The following DNAI3 variants were observed in gnomAD, a reference collection of about 807,000 sequenced individuals.
The protein encoded by DNAI3 is WD repeat domain 63.
In DNAI3, 83 loss-of-function variants were observed where a neutral mutation model predicts 115.5. The ratio of observed to expected loss-of-function variants is 0.72; its 90% confidence interval spans 0.60 to 0.86. The LOEUF (loss-of-function observed/expected upper bound fraction) is 0.86, where lower values mean the gene tolerates loss of function less well. Among genes scored for constraint, DNAI3 ranks in the 40% least tolerant of loss-of-function variants. DNAI3 has a pLI of 0.00. For synonymous variants in DNAI3, 320 were observed against 347.0 expected, an observed-to-expected ratio of 0.92 and a Z score of 0.86; for missense variants, 1,004 against 1,075.8, an observed-to-expected ratio of 0.93 and a Z score of 0.93.
At chr1:85,127,382 C>A (rs1466192728) in intron 20 of DNAI3, among the ~76,000 whole-genome samples, 1 of 152,016 alleles carries the variant, frequency 6.6e-6, no homozygotes, top group Non-Finnish European at 1.5e-5. Context: ...GTAGTAATTT[C>A]TATGTAAATC....
intron 17 of DNAI3, 74 bp from the exon 18 acceptor site, chr1:85,121,677 C>G: frequency 7.3e-7 from 1 of 1,377,022 alleles, no homozygotes; most frequent in Admixed American, 1.9e-5. Context: ...AACAGTCAAT[C>G]TTAGCACATG....
At chr1:85,126,415 A>C in intron 19 of DNAI3, 96 bp from the exon 20 acceptor site, 21 of 1,282,450 alleles carry the variant, frequency 1.6e-5, no homozygotes, top group Non-Finnish European at 2.1e-5. Flanking sequence ...ATATGATCAT[A>C]GCTAGCTTGA....
At chr1:85,093,855 T>C (rs1250782407) in intron 9 of DNAI3, 2 of 687,862 alleles carry the variant, frequency 2.9e-6, no homozygotes, top group Admixed American at 4.1e-5. Context: ...TCATTATCTC[T>C]GTTTCACAAC....
chr1:85,084,855 G>C (rs1033110605), intron 6 of DNAI3, among the ~76,000 whole-genome samples, 160 bp downstream of exon 6: 1 of 152,010 alleles, frequency 6.6e-6, no homozygotes, highest in African/African-American at 2.4e-5. Flanking sequence ...TGTCTTAAGT[G>C]GGTGTTATGA....
At chr1:85,123,295 A>G (rs558808484) in intron 18 of DNAI3, among the ~76,000 whole-genome samples, 2 of 151,862 alleles carry the variant, frequency 1.3e-5, no homozygotes, top group African/African-American at 4.9e-5. Context: ...AGAAATGTCA[A>G]TCAAATTGTC....
Position 85,093,598 on chromosome 1 carries a change from G to T in DNAI3, c.998G>T (p.Ser333Ile). Residue 333 changes from serine (S) to isoleucine (I), a missense_variant, in exon 9 of 23, where the codon AGC becomes ATC. Physicochemically the swap from Ser to Ile is moderately radical, Grantham distance 142. This residue lies in a region of DNAI3 where 550 missense variants were observed against 568.1 expected (regional missense o/e 0.97). Transcript: ENST00000294664. ...TACCAGTCCTTTACCGACCTTCATA[G>T]CCCAACGGAGAAAATGATTACCTGT... ...KEYQSFTDLH[S>I]PTEKMITCVS... The T allele has an allele frequency of 6.2e-7, 1 of 1,614,162 alleles. No homozygotes were observed.
chr1:85,103,495 C>T (rs549776493), intron 13 of DNAI3, among the ~76,000 whole-genome samples: 9 of 152,172 alleles, frequency 5.9e-5, no homozygotes, highest in South Asian at 2.1e-4. Flanking sequence ...CCTCTATGTT[C>T]GACTGCACAA....
intron 16 of DNAI3, among the ~76,000 whole-genome samples, chr1:85,112,209 A>G (rs961471829): frequency 6.6e-6 from 1 of 152,142 alleles, no homozygotes; most frequent in Non-Finnish European, 1.5e-5. Flanking sequence ...GCGCCACCAC[A>G]TGCAGCAATC....
intron 7 of DNAI3, among the ~76,000 whole-genome samples, chr1:85,088,068 T>G (rs1446812831): frequency 7.2e-5 from 11 of 151,888 alleles, no homozygotes; most frequent in Admixed American, 7.2e-4. Flanking sequence ...ACATCAGACA[T>G]CCATAAATAT....
At chr1:85,112,920 C>T (rs1316141260) in intron 16 of DNAI3, among the ~76,000 whole-genome samples, 1 of 152,168 alleles carries the variant, frequency 6.6e-6, no homozygotes, top group East Asian at 1.9e-4. Flanking sequence ...AGGCATGTGC[C>T]ACCAAGCCCA....
chr1:85,088,635 G>A (rs965121770), intron 7 of DNAI3, among the ~76,000 whole-genome samples: 2 of 152,132 alleles, frequency 1.3e-5, no homozygotes, highest in African/African-American at 2.4e-5. Flanking sequence ...TCTGAGGTAG[G>A]CACTATCCCC....
At chr1:85,129,346 G>T (rs1424739533) in intron 21 of DNAI3, among the ~76,000 whole-genome samples, 1 of 152,196 alleles carries the variant, frequency 6.6e-6, no homozygotes, top group Non-Finnish European at 1.5e-5. Context: ...TAAACATATA[G>T]ATTGCAGTCT....
At chr1:85,089,538 T>C (rs1192458653) in intron 7 of DNAI3, among the ~76,000 whole-genome samples, 2 of 150,620 alleles carry the variant, frequency 1.3e-5, no homozygotes, top group East Asian at 3.9e-4. Context: ...TAGTTTTGTA[T>C]GTTTAGAGCA....
At chr1:85,098,717 G>T (rs1655200230) in intron 13 of DNAI3, 59 bp downstream of exon 13, 3 of 1,586,120 alleles carry the variant, frequency 1.9e-6, no homozygotes, top group Non-Finnish European at 8.6e-7. Flanking sequence ...CAGATTTTAT[G>T]CAAAGAAGAT....
intron 10 of DNAI3, among the ~76,000 whole-genome samples, chr1:85,095,206 A>G (rs900055599): frequency 6.6e-6 from 1 of 152,212 alleles, no homozygotes; most frequent in Admixed American, 6.5e-5. Context: ...CTGCTCAATA[A>G]GAGATCTGCC....
At chr1:85,098,958 C>T (rs1325094194) in intron 13 of DNAI3, among the ~76,000 whole-genome samples, 3 of 152,122 alleles carry the variant, frequency 2.0e-5, no homozygotes, top group Non-Finnish European at 2.9e-5. Context: ...AAATATTTTA[C>T]ACCCTTAGCA....
chr1:85,070,724 T>C (rs901152922), intron 1 of DNAI3, among the ~76,000 whole-genome samples: 3 of 152,242 alleles, frequency 2.0e-5, no homozygotes, highest in Non-Finnish European at 4.4e-5. Flanking sequence ...AAGTATCACA[T>C]GTACCCCCAA....
chr1:85,100,630 C>A (rs1482720129), intron 13 of DNAI3, among the ~76,000 whole-genome samples: 2 of 152,086 alleles, frequency 1.3e-5, no homozygotes, highest in East Asian at 1.9e-4. Flanking sequence ...TGGGTATATA[C>A]CCAAAGGATT....
intron 1 of DNAI3, among the ~76,000 whole-genome samples, chr1:85,068,300 C>A (rs1654159049): frequency 2.0e-5 from 3 of 152,096 alleles, no homozygotes; most frequent in Admixed American, 2.0e-4. Context: ...CATGGGATCT[C>A]CATCTCAATA....
Sources: allele counts gnomAD v4.1 joint callset (sites outside exome capture counted in the v4.1 genomes callset), GRCh38; gene constraint gnomAD v4.1.1; regional missense constraint gnomAD v4.1.1; transcripts MANE v1.5; gene names NCBI Gene and HGNC (gene_info 2026-07-23, HGNC 2026-07-21).